Variants in RUNX1 observed in about 807,000 individuals in gnomAD.
The protein encoded by RUNX1 is RUNX family transcription factor 1, also known as runt-related transcription factor 1.
RUNX1 carries 19 observed loss-of-function variants against 42.8 expected under a neutral mutation model. The observed-to-expected ratio is 0.44, with a 90% CI of 0.31 to 0.65. The LOEUF is 0.65. Ranked by LOEUF, RUNX1 falls within the 30% of genes least tolerant of loss-of-function variation. The pLI is 0.07. For synonymous variants in RUNX1, 271 were observed against 289.4 expected (o/e 0.94, Z 0.64); for missense variants, 528 against 672.0 (o/e 0.79, Z 2.37).
In RUNX1 at chr21:34,792,572, A is replaced by ACTGG; in HGVS notation, c.1002_1005dup (p.Phe336ProfsTer265). The ACTGG allele has an allele frequency of 6.2e-7, 1 of 1,605,084 alleles. No homozygotes were observed. The highest frequency in any genetic ancestry group is 8.5e-7 in the Non-Finnish European group (1 of 1,176,032). On this transcript the variant is annotated frameshift_variant, in exon 9 of 9. Transcript: ENST00000675419. LOFTEE classifies it high-confidence loss of function. The surrounding 1 kb of genome is among the most constrained non-coding windows in gnomAD (Gnocchi z 6.9). Reference sequence around the variant, plus strand: ...TCGGAGATGGAGGGCAGCGCGGGGAACTGGCGCGGGTCGCTGAACGCTGTC... The same window carrying ACTGG: ...TCGGAGATGGAGGGCAGCGCGGGGAACTGGCTGGCGCGGGTCGCTGAACGCTGTC...
intron 2 of RUNX1, among the ~76,000 whole-genome samples, chr21:34,965,544 A>C (rs923464976): frequency 6.6e-6 from 1 of 152,168 alleles, no homozygotes; most frequent in Non-Finnish European, 1.5e-5. Flanking sequence ...AGAGAAAAAA[A>C]GCTTTTCCCA....
intron 2 of RUNX1, among the ~76,000 whole-genome samples, chr21:34,966,330 G>A (rs1052180372): frequency 2.9e-4 from 44 of 152,244 alleles, no homozygotes; most frequent in African/African-American, 1.0e-3. Context: ...AGTGCCTCAC[G>A]CCACTTTAAG....
Position 34,792,502 on chromosome 21 carries a change from G to C in RUNX1, c.1076C>G (p.Pro359Arg), listed in dbSNP as rs1601333461. ...YPGAFTYSPT[P>R]VTSGIGIGMS... ...GCCGATGCCGATGCCCGAGGTGACC[G>C]GCGTCGGGGAGTAGGTGAAGGCGCC... Residue 359 changes from proline (P) to arginine (R), a missense_variant, in exon 9 of 9, where the codon CCG becomes CGG. By Grantham distance (103) the Pro-to-Arg change is moderately radical. Around this residue, in one of 3 missense-constraint regions of RUNX1, gnomAD observed 331 missense variants for 382.5 expected, o/e 0.87. Transcript: ENST00000675419. The surrounding 1 kb of genome is among the most constrained non-coding windows in gnomAD (Gnocchi z 6.9). The C allele has an allele frequency of 3.1e-6, 5 of 1,598,476 alleles. No homozygotes were observed. Among genetic ancestry groups the C allele is most frequent in the Middle Eastern group, 3.3e-4 (2 of 6,040 alleles).
At chr21:34,825,004 T>C (rs2056966930) in intron 7 of RUNX1, among the ~76,000 whole-genome samples, 1 of 152,250 alleles carries the variant, frequency 6.6e-6, no homozygotes, top group Non-Finnish European at 1.5e-5. Flanking sequence ...TTGATACTAC[T>C]TCATGACTAC....
chr21:34,853,492 G>A (rs754175323), intron 6 of RUNX1, among the ~76,000 whole-genome samples: 14 of 152,302 alleles, frequency 9.2e-5, no homozygotes, highest in South Asian at 2.1e-4. Flanking sequence ...GCATCGGTGC[G>A]TGCCAGCATC....
chr21:34,827,968 A>C (rs1459462180), intron 7 of RUNX1, among the ~76,000 whole-genome samples: 1 of 152,226 alleles, frequency 6.6e-6, no homozygotes, highest in Non-Finnish European at 1.5e-5. Flanking sequence ...AAGCTGCCAC[A>C]AAGAGTCCCC....
intron 2 of RUNX1, among the ~76,000 whole-genome samples, chr21:34,998,273 G>C (rs1052309730): frequency 6.6e-6 from 1 of 152,110 alleles, no homozygotes; most frequent in Non-Finnish European, 1.5e-5. Context: ...ACCTGAGCAG[G>C]GGCCACAGAG....
At chr21:35,018,198 G>T (rs1339183470) in intron 2 of RUNX1, among the ~76,000 whole-genome samples, 1 of 152,038 alleles carries the variant, frequency 6.6e-6, no homozygotes, top group Non-Finnish European at 1.5e-5. Context: ...GATAATTTTT[G>T]CATTTTTAGT....
At chr21:34,889,349 T>C (rs1339069103) in intron 3 of RUNX1, among the ~76,000 whole-genome samples, 1 of 152,098 alleles carries the variant, frequency 6.6e-6, no homozygotes, top group Non-Finnish European at 1.5e-5. Flanking sequence ...TGCCGTTTGC[T>C]CTCAGCGTCT....
At chr21:34,952,863 T>A (rs1245316338) in intron 2 of RUNX1, among the ~76,000 whole-genome samples, 2 of 152,170 alleles carry the variant, frequency 1.3e-5, no homozygotes, top group Non-Finnish European at 2.9e-5. Context: ...GGTCTTTTTA[T>A]CTTCAGATGA....
intron 2 of RUNX1, among the ~76,000 whole-genome samples, chr21:35,029,378 C>T (rs1375862479): frequency 6.6e-6 from 1 of 152,220 alleles, no homozygotes; most frequent in Admixed American, 6.5e-5. Context: ...CTTCTTTAGC[C>T]TTTCTGAGCT....
At chr21:34,916,120 C>G (rs989969846) in intron 2 of RUNX1, among the ~76,000 whole-genome samples, 1 of 152,114 alleles carries the variant, frequency 6.6e-6, no homozygotes, top group African/African-American at 2.4e-5. Context: ...TTGCTGAAGT[C>G]ACTGATTGAT....
Position 35,049,227 on chromosome 21 carries a change from T to C in RUNX1, c.-119A>G, listed in dbSNP as rs2059422408. 3 of 350,566 alleles carry C rather than the reference T, an allele frequency of 8.6e-6. No individual in the cohort carries two copies. Among genetic ancestry groups the C allele is most frequent in the Non-Finnish European group, 1.6e-5 (3 of 185,598 alleles). 21.7% of individuals were successfully genotyped at this position (350,566 alleles called of 1,614,324 possible). A position where few individuals can be genotyped will look rare whatever the true frequency, so the allele number is the denominator to read the frequency against. Reference sequence around the variant, plus strand: ...GATTCGTCCTGCCTGCTGACCACTATGCTGGGTTCAGACTTCTGACACTGC... The same window carrying C: ...GATTCGTCCTGCCTGCTGACCACTACGCTGGGTTCAGACTTCTGACACTGC... On this transcript the variant is annotated 5_prime_UTR_variant, in exon 1 of 9. Transcript: ENST00000675419.
At position 34,791,973 on chromosome 21, in the gene RUNX1, C is replaced by A. The variant is rs1286067254; in HGVS notation, c.*162G>T. 6 of 445,508 alleles carry A rather than the reference C, an allele frequency of 1.3e-5. No homozygotes were observed. Among genetic ancestry groups the A allele is most frequent in the African/African-American group, 1.1e-4 (5 of 46,924 alleles). The allele number at this position is 445,508 out of a possible 1,614,324, so 27.6% of individuals were successfully genotyped here. ...TTCTGGGCGCAGGAGGCTGCGCGGG[C>A]CTGACCTACAGCGAGATCCTGGCCG... On this transcript the variant is annotated 3_prime_UTR_variant, in exon 9 of 9. Coordinates refer to ENST00000675419, the MANE Select transcript of RUNX1 (RefSeq NM_001754.5).
chr21:34,871,778 C>T (rs535979880), intron 5 of RUNX1, among the ~76,000 whole-genome samples: 3 of 152,110 alleles, frequency 2.0e-5, no homozygotes, highest in East Asian at 3.9e-4. Flanking sequence ...TTAGGGTATG[C>T]AGACTGAGCC....
chr21:34,888,694 G>A (rs1466960926), intron 3 of RUNX1: 3 of 1,037,902 alleles, frequency 2.9e-6, no homozygotes, highest in Non-Finnish European at 2.3e-6. Context: ...CTCTATGAAT[G>A]AGAGTGCCTG....
At chr21:34,959,835 G>A (rs2058670613) in intron 2 of RUNX1, among the ~76,000 whole-genome samples, 1 of 152,134 alleles carries the variant, frequency 6.6e-6, no homozygotes, top group South Asian at 2.1e-4. Context: ...TCCCTGCTGG[G>A]AACCCATCAG....
At chr21:34,928,075 C>T (rs1260302584) in intron 2 of RUNX1, among the ~76,000 whole-genome samples, 4 of 152,182 alleles carry the variant, frequency 2.6e-5, no homozygotes, top group Admixed American at 6.5e-5. Flanking sequence ...TATGGAGTGA[C>T]AACATCCATA....
At chr21:34,802,629 G>A (rs1326583794) in intron 7 of RUNX1, among the ~76,000 whole-genome samples, 2 of 152,224 alleles carry the variant, frequency 1.3e-5, no homozygotes, top group East Asian at 3.8e-4. Flanking sequence ...GGGTGCCCAA[G>A]GGCTGTATCT....
Sources: gnomAD v4.1 joint callset for allele counts (sites outside exome capture counted in the v4.1 genomes callset) on GRCh38, gnomAD v4.1.1 for gene constraint, gnomAD v4.1.1 regional missense constraint, Gnocchi (gnomAD v3.1) non-coding constraint, MANE v1.5 for transcripts, NCBI Gene and HGNC (gene_info 2026-07-23, HGNC 2026-07-21) for gene names.